Variants in PCDHGB7 observed in about 807,000 individuals in gnomAD.
PCDHGB7 encodes the protein protocadherin gamma-B7.
A neutral mutation model predicts 61.4 loss-of-function variants in PCDHGB7; 37 were observed. The ratio of observed to expected loss-of-function variants is 0.60; its 90% CI spans 0.46 to 0.79. The LOEUF is 0.79. Among genes scored for constraint, PCDHGB7 ranks in the 30% least tolerant of loss-of-function variants. The pLI, the probability that PCDHGB7 is intolerant of heterozygous loss-of-function variation, is 0.00. For missense variants in PCDHGB7, 1,166 were observed against 1,202.5 expected, an observed-to-expected ratio of 0.97 and a Z score of 0.45; for synonymous variants, 464 against 503.5, an observed-to-expected ratio of 0.92 and a Z score of 1.05.
At chr5:141,472,453 T>C (rs2099281194) in intron 1 of PCDHGB7, among the ~76,000 whole-genome samples, 1 of 151,726 alleles carries the variant, frequency 6.6e-6, no homozygotes, top group African/African-American at 2.4e-5. Flanking sequence ...GGCAGGAGAA[T>C]CGCTTGAACC....
rs1016254258 is a variant in PCDHGB7 at position 141,489,870 on chromosome 5, G to C, written c.2416-4937G>C. ...GTGAAGCCCAGGCAAGACATCAGCT[G>C]GTGCTTACTGCTGTGGATGGGGGGA... On this transcript the variant is annotated intron_variant, in intron 1 of 3. Transcript: ENST00000398594. The surrounding 1 kb of genome is among the most constrained non-coding windows in gnomAD (Gnocchi z 4.5). The C allele has an allele frequency of 2.0e-5, 32 of 1,614,102 alleles. No homozygotes were observed. Among genetic ancestry groups the C allele is most frequent in the African/African-American group, 4.0e-5 (3 of 74,944 alleles).
rs182132552 is a variant in PCDHGB7 at position 141,435,146 on chromosome 5, T to A, written c.2415+14872T>A. Among the ~76,000 whole-genome samples the A allele has an allele frequency of 4.6e-3, 696 of 152,288 alleles. 5 individuals carry two copies. Among genetic ancestry groups the A allele is most frequent in the African/African-American group, 0.016 (677 of 41,554 alleles). ...ATGGAAAATATAAATAAAATTGTGA[T>A]AAACTTTTGTAAATAGAGTGGCTTT... On this transcript the variant is annotated intron_variant, in intron 1 of 3. Transcript: ENST00000398594.
At position 141,491,884 on chromosome 5, in the gene PCDHGB7, G is replaced by A. The variant is rs745931108; in HGVS notation, c.2416-2923G>A. The A allele has an allele frequency of 2.8e-6, 4 of 1,446,372 alleles. No homozygotes were observed. The highest frequency in any genetic ancestry group is 2.9e-5 in the Admixed American group (1 of 34,718). 89.6% of individuals were successfully genotyped at this position (1,446,372 alleles called of 1,614,324 possible). ...AACCAGAGTGGCCGATTAAGGGATG[G>A]GGCTCCGAGCACCGGGGGTGGTGGC... On this transcript the variant is annotated intron_variant, in intron 1 of 3. Coordinates refer to ENST00000398594, the MANE Select transcript of PCDHGB7 (RefSeq NM_018927.4). This position sits in a 1 kb window ranked among gnomAD's most constrained non-coding sequence, Gnocchi z 6.9.
At chr5:141,433,848 A>AAC (rs1403081382) in intron 1 of PCDHGB7, among the ~76,000 whole-genome samples, 1 of 151,964 alleles carries the variant, frequency 6.6e-6, no homozygotes, top group South Asian at 2.1e-4. Context: ...AAAAAAAAAA[A>AAC]AAAAAAACTT....
intron 1 of PCDHGB7, among the ~76,000 whole-genome samples, chr5:141,467,882 C>T (rs1278937609): frequency 6.6e-6 from 1 of 152,036 alleles, no homozygotes; most frequent in East Asian, 1.9e-4. Context: ...TGGTCTCAAA[C>T]TCCTGAGCTC....
chr5:141,484,897 A>G (rs2099602925), intron 1 of PCDHGB7: 2 of 392,698 alleles, frequency 5.1e-6, no homozygotes, highest in Middle Eastern at 7.1e-4. Flanking sequence ...TTTCCCCTCC[A>G]ATGCTGCGAC....
At chr5:141,423,237 C>A in intron 1 of PCDHGB7, 1 of 1,613,916 alleles carries the variant, frequency 6.2e-7, no homozygotes, top group Non-Finnish European at 8.5e-7. Context: ...ACAGCATCCC[C>A]GAAGTCCTGG....
chr5:141,429,765 T>C (rs897963458), intron 1 of PCDHGB7, among the ~76,000 whole-genome samples: 1 of 152,230 alleles, frequency 6.6e-6, no homozygotes, highest in East Asian at 1.9e-4. Flanking sequence ...TTTCCCTATA[T>C]TTTGATGGGC....
At position 141,473,311 on chromosome 5, in the gene PCDHGB7, A is replaced by G. The variant is rs139053997; in HGVS notation, c.2416-21496A>G. On this transcript the variant is annotated intron_variant, in intron 1 of 3. Coordinates refer to ENST00000398594, the MANE Select transcript of PCDHGB7 (RefSeq NM_018927.4). ...TCAGTAGCATAAAGATTGCTATATTAATAAGCATTAAGTGCCTGCTGTGCT... is the reference window on the plus strand; with the variant it reads ...TCAGTAGCATAAAGATTGCTATATTGATAAGCATTAAGTGCCTGCTGTGCT... Among the ~76,000 whole-genome samples, 1,321 of 152,342 alleles carry G rather than the reference A, an allele frequency of 8.7e-3. 28 individuals carry two copies. Among genetic ancestry groups the G allele is most frequent in the African/African-American group, 0.03 (1,236 of 41,582 alleles).
chr5:141,431,049 T>C lies in PCDHGB7; in HGVS notation c.2415+10775T>C, dbSNP rs1226000576. On this transcript the variant is annotated intron_variant, in intron 1 of 3. Coordinates refer to ENST00000398594, the MANE Select transcript of PCDHGB7 (RefSeq NM_018927.4). The surrounding 1 kb of genome is among the most constrained non-coding windows in gnomAD (Gnocchi z 4.8). Reference sequence around the variant, plus strand: ...AGGATAGACCGGGAGGAGCTCTGTATGGGGGCCATCAAGTGTCAATTAAAT... The same window carrying C: ...AGGATAGACCGGGAGGAGCTCTGTACGGGGGCCATCAAGTGTCAATTAAAT... The C allele has an allele frequency of 6.2e-7, 1 of 1,614,162 alleles. No homozygotes were observed. Among genetic ancestry groups the C allele is most frequent in the Non-Finnish European group, 8.5e-7 (1 of 1,180,014 alleles).
In PCDHGB7 at chr5:141,512,223, C is replaced by G. The variant is rs1321595614; in HGVS notation, c.*1050C>G. 6.5e-6 allele frequency: 1 copy of G among 152,728 alleles called. No individual in the cohort carries two copies. The highest frequency in any genetic ancestry group is 1.5e-5 in the Non-Finnish European group (1 of 68,110). 9.5% of individuals were successfully genotyped at this position (152,728 alleles called of 1,614,324 possible). ...CTCGAAGCAGGTTTAGGACCAGGTC[C>G]CCTTGAGAGGTCAGAGGGGCCTCTG... On this transcript the variant is annotated 3_prime_UTR_variant, in exon 4 of 4. Transcript: ENST00000398594.
At chr5:141,488,217 A>G (rs537136341) in intron 1 of PCDHGB7, among the ~76,000 whole-genome samples, 2 of 152,274 alleles carry the variant, frequency 1.3e-5, no homozygotes, top group East Asian at 1.9e-4. Flanking sequence ...TCAAGTCCCT[A>G]CTGGGGATTT....
Position 141,423,542 on chromosome 5 carries a change from C to T in PCDHGB7, c.2415+3268C>T, listed in dbSNP as rs755766737. 4.3e-6 allele frequency: 7 copies of T among 1,613,616 alleles called. No individual in the cohort carries two copies. The African/African-American group carries it at 6.7e-5, about 15-fold the overall frequency. The stretch of plus-strand genomic sequence containing the variant: ...TCGCAGAAGAGTCACCTGATTTTCC[C>T]CCAGCCCAACTATGGGGACACGCTC... On this transcript the variant is annotated intron_variant, in intron 1 of 3. Transcript: ENST00000398594.
Position 141,428,338 on chromosome 5 carries a change from T to C in PCDHGB7, c.2415+8064T>C, listed in dbSNP as rs575215422. 427 of 592,394 alleles carry C rather than the reference T, an allele frequency of 7.2e-4. 1 individual carries two copies. The highest frequency in any genetic ancestry group is 1.3e-3 in the Non-Finnish European group (409 of 326,444). 36.7% of individuals were successfully genotyped at this position (592,394 alleles called of 1,614,324 possible). ...CTTGGCCTTGATTTCTATGCTCTTC[T>C]TCCTCGCAGTGATTTTGGCGGTCGC... On this transcript the variant is annotated intron_variant, in intron 1 of 3. Coordinates refer to ENST00000398594, the MANE Select transcript of PCDHGB7 (RefSeq NM_018927.4).
At chr5:141,448,822 G>A (rs924937891) in intron 1 of PCDHGB7, among the ~76,000 whole-genome samples, 4 of 152,048 alleles carry the variant, frequency 2.6e-5, no homozygotes, top group African/African-American at 9.7e-5. Context: ...GCGGGCGCCT[G>A]TAGTCCCAGC....
At position 141,431,897 on chromosome 5, in the gene PCDHGB7, G is replaced by C. The variant is rs1591112104; in HGVS notation, c.2415+11623G>C. 6.2e-7 allele frequency: 1 copy of C among 1,613,830 alleles called. No homozygotes were observed. The highest frequency in any genetic ancestry group is 8.5e-7 in the Non-Finnish European group (1 of 1,179,704). ...AAATGACCAAGATTCTGAGGAAAAC[G>C]GACAGGTGATCTGTTTCATCCAAGG... On this transcript the variant is annotated intron_variant, in intron 1 of 3. Coordinates refer to ENST00000398594, the MANE Select transcript of PCDHGB7 (RefSeq NM_018927.4). The surrounding 1 kb of genome is among the most constrained non-coding windows in gnomAD (Gnocchi z 4.8).
chr5:141,463,764 G>A (rs2099069094), intron 1 of PCDHGB7, among the ~76,000 whole-genome samples: 1 of 151,916 alleles, frequency 6.6e-6, no homozygotes. Flanking sequence ...TTCTCTTATG[G>A]GTTAGAATCC....
rs1275109387 is a variant in PCDHGB7 at position 141,431,924 on chromosome 5, A to G, written c.2415+11650A>G. The G allele has an allele frequency of 1.1e-5, 17 of 1,614,050 alleles. No homozygotes were observed. Among genetic ancestry groups the G allele is most frequent in the Non-Finnish European group, 1.4e-5 (17 of 1,179,982 alleles). On this transcript the variant is annotated intron_variant, in intron 1 of 3. Coordinates refer to ENST00000398594, the MANE Select transcript of PCDHGB7 (RefSeq NM_018927.4). The surrounding 1 kb of genome is among the most constrained non-coding windows in gnomAD (Gnocchi z 4.8). ...ACAGGTGATCTGTTTCATCCAAGGA[A>G]ATCTGCCCTTTAAATTAGAAAAATC... is the stretch of plus-strand genomic sequence containing the variant.
chr5:141,494,891 C>G, intron 2 of PCDHGB7, 26 bp downstream of exon 2: 1 of 1,614,098 alleles, frequency 6.2e-7, no homozygotes. Flanking sequence ...TCCAGCCCAC[C>G]CTCTTCTCTG....
Sources: allele counts gnomAD v4.1 joint callset (sites outside exome capture counted in the v4.1 genomes callset), GRCh38; gene constraint gnomAD v4.1.1; non-coding constraint Gnocchi (gnomAD v3.1); transcripts MANE v1.5; gene names NCBI Gene and HGNC (gene_info 2026-07-23, HGNC 2026-07-21).